The following PRKDC variants were observed in gnomAD, a reference collection of about 807,000 sequenced individuals.
The protein encoded by PRKDC is protein kinase, DNA-activated, catalytic subunit.
Under a neutral mutation model 486.9 loss-of-function variants are expected in PRKDC, and 82 were observed. The ratio of observed to expected loss-of-function variants is 0.17; its 90% CI spans 0.14 to 0.20. PRKDC has a LOEUF of 0.20. Ranked by LOEUF, PRKDC falls within the 10% of genes least tolerant of loss-of-function variation. PRKDC has a pLI of 1.00. For synonymous variants in PRKDC, 1,895 were observed against 1,837.0 expected (o/e 1.03, Z -0.81); for missense variants, 4,504 against 5,038.2 (o/e 0.89, Z 3.21).
intron 25 of PRKDC, among the ~76,000 whole-genome samples, chr8:47,910,359 G>A (rs914841673): frequency 2.0e-5 from 3 of 152,074 alleles, no homozygotes; most frequent in Non-Finnish European, 4.4e-5. Flanking sequence ...ACATCTTAAC[G>A]AATGTCATGA....
At chr8:47,859,852 A>C in intron 45 of PRKDC, 93 bp from the exon 46 acceptor site, 1 of 1,282,828 alleles carries the variant, frequency 7.8e-7, no homozygotes. Flanking sequence ...AAATTAAAGC[A>C]CATTTTAATC....
In PRKDC at chr8:47,798,296, T is replaced by C; in HGVS notation, c.10399A>G (p.Arg3467Gly). Residue 3467 changes from arginine (R) to glycine (G), a missense_variant, in exon 73 of 86, where the codon AGA becomes GGA. Around this residue, in one of 6 missense-constraint regions of PRKDC, gnomAD observed 706 missense variants for 945.0 expected, o/e 0.75. Coordinates refer to ENST00000314191, the MANE Select transcript of PRKDC (RefSeq NM_006904.7). ...NSNEARLKFP[R>G]LLQIIERYPE... Reference sequence around the variant, plus strand: ...TACCGTTCTATAATCTGAAGTAATCTAGGAAACTTCAATCTGGCTTCATTG... The same window carrying C: ...TACCGTTCTATAATCTGAAGTAATCCAGGAAACTTCAATCTGGCTTCATTG... 1 of 1,613,846 alleles carries C rather than the reference T, an allele frequency of 6.2e-7. No homozygotes were observed. The highest frequency in any genetic ancestry group is 8.5e-7 in the Non-Finnish European group (1 of 1,179,844).
chr8:47,915,235 G>A, intron 23 of PRKDC, 93 bp downstream of exon 23: 1 of 677,956 alleles, frequency 1.5e-6, no homozygotes, highest in Non-Finnish European at 2.4e-6. Flanking sequence ...ATCACATATA[G>A]GAGCAAATAT....
At chr8:47,959,147 A>G (rs1352564697) in intron 1 of PRKDC, 1 of 152,132 alleles carries the variant, frequency 6.6e-6, no homozygotes. Context: ...AGGTCTGCAT[A>G]CTCGTGTTTT....
At chr8:47,896,306 A>T (rs968630056) in intron 30 of PRKDC, among the ~76,000 whole-genome samples, 1 of 152,086 alleles carries the variant, frequency 6.6e-6, no homozygotes, top group Non-Finnish European at 1.5e-5. Flanking sequence ...CTGGAAATAT[A>T]TAAAGTAACT....
rs922182896 is a variant in PRKDC at position 47,782,802 on chromosome 8, T to C, written c.11176-204A>G. On this transcript the variant is annotated intron_variant, in intron 78 of 85. Transcript: ENST00000314191. The surrounding 1 kb of genome is among the most constrained non-coding windows in gnomAD (Gnocchi z 4.9). Reference sequence around the variant, plus strand: ...CCCGCAGAAATGTTGTATTCCTGATTATAAATACTTGCTTATGAATGTGGA... The same window carrying C: ...CCCGCAGAAATGTTGTATTCCTGATCATAAATACTTGCTTATGAATGTGGA... The C allele has an allele frequency of 1.7e-6, 1 of 594,908 alleles. No individual in the cohort carries two copies. The highest frequency in any genetic ancestry group is 1.9e-5 in the African/African-American group (1 of 53,816). 36.9% of individuals were successfully genotyped at this position (594,908 alleles called of 1,614,324 possible). A position where few individuals can be genotyped will look rare whatever the true frequency, so the allele number is the denominator to read the frequency against.
chr8:47,784,016 T>C, intron 77 of PRKDC: 1 of 536,432 alleles, frequency 1.9e-6, no homozygotes, highest in South Asian at 2.1e-5. Context: ...CCCAGCACTT[T>C]GGGAGGCCAA....
At chr8:47,807,432 T>C in intron 68 of PRKDC, 106 bp from the exon 69 acceptor site, 1 of 1,035,760 alleles carries the variant, frequency 9.7e-7, no homozygotes. Context: ...TGTTCTTTTT[T>C]TTTTGAGATG....
chr8:47,948,747 C>A (rs1385021222), intron 7 of PRKDC, among the ~76,000 whole-genome samples: 5 of 151,894 alleles, frequency 3.3e-5, no homozygotes. Context: ...CAGGCGTGAG[C>A]CACCGCGCCC....
chr8:47,791,336 A>G (rs1023523671), intron 74 of PRKDC, among the ~76,000 whole-genome samples: 5 of 152,104 alleles, frequency 3.3e-5, no homozygotes, highest in East Asian at 1.9e-4. Context: ...TTAGCGGGGC[A>G]TGGTGGCGCC....
At chr8:47,776,508 A>T (rs557345792) in intron 85 of PRKDC, among the ~76,000 whole-genome samples, 1 of 152,338 alleles carries the variant, frequency 6.6e-6, no homozygotes, top group Non-Finnish European at 1.5e-5. Flanking sequence ...CCTAAAAAGG[A>T]CAAAAGCAAA....
chr8:47,911,668 GAGA>G (rs1289182986), intron 25 of PRKDC, among the ~76,000 whole-genome samples: 1 of 152,126 alleles, frequency 6.6e-6, no homozygotes, highest in Non-Finnish European at 1.5e-5. Context: ...AAAATGAACT[GAGA>G]AGATTTCTTA....
chr8:47,819,294 C>A, intron 67 of PRKDC, 108 bp downstream of exon 67: 2 of 650,140 alleles, frequency 3.1e-6, no homozygotes, highest in Non-Finnish European at 2.6e-6. Context: ...ATGGAGTTTC[C>A]AACCCATACA....
chr8:47,848,767 A>C (rs1397463274), intron 54 of PRKDC, among the ~76,000 whole-genome samples: 1 of 152,208 alleles, frequency 6.6e-6, no homozygotes, highest in African/African-American at 2.4e-5. Context: ...ATATACTTTT[A>C]TGTTATGTTG....
At position 47,826,794 on chromosome 8, in the gene PRKDC, G is replaced by A. The variant is rs1440627101; in HGVS notation, c.8645C>T (p.Ala2882Val). The change falls in exon 63 of 86, where the codon GCC becomes GTC. Residue 2882 changes from alanine to valine, a missense_variant. Ala to Val is a moderately conservative substitution (Grantham distance 64). Coordinates refer to ENST00000314191, the MANE Select transcript of PRKDC (RefSeq NM_006904.7). Reference protein sequence around the residue: ...DPAAVSAGCLASLQQPVGIRL... With the variant: ...DPAAVSAGCLVSLQQPVGIRL... Reference sequence around the variant, plus strand: ...GATGCCCACGGGCTGCTGTAGGCTGGCCAGGCAACCAGCGCTAACAGCCGC... The same window carrying A: ...GATGCCCACGGGCTGCTGTAGGCTGACCAGGCAACCAGCGCTAACAGCCGC... The A allele has an allele frequency of 6.2e-7, 1 of 1,609,250 alleles. No individual in the cohort carries two copies. The highest frequency in any genetic ancestry group is 1.1e-5 in the South Asian group (1 of 90,214).
intron 21 of PRKDC, among the ~76,000 whole-genome samples, chr8:47,923,206 G>C (rs558442616): frequency 6.6e-6 from 1 of 152,162 alleles, no homozygotes; most frequent in Admixed American, 6.5e-5. Context: ...TGGGATTACA[G>C]GTGTGCGCCA....
chr8:47,848,322 G>C (rs1483459474), intron 54 of PRKDC, among the ~76,000 whole-genome samples: 1 of 152,166 alleles, frequency 6.6e-6, no homozygotes, highest in Non-Finnish European at 1.5e-5. Flanking sequence ...AGAATGAAAT[G>C]TCCTTTGCAG....
At chr8:47,898,438 GAA>G (rs869126043) in intron 29 of PRKDC, 30 bp downstream of exon 29, 4 of 1,498,600 alleles carry the variant, frequency 2.7e-6, no homozygotes, top group Non-Finnish European at 3.6e-6. Flanking sequence ...TATGTTGTGG[GAA>G]AAGACGGAAA....
chr8:47,959,653 T>G (rs1268660053), intron 1 of PRKDC, among the ~76,000 whole-genome samples: 1 of 150,926 alleles, frequency 6.6e-6, no homozygotes, highest in Non-Finnish European at 1.5e-5. Context: ...CACTCCAGCC[T>G]GGGCGACAGA....
Sources: gnomAD v4.1 joint callset for allele counts (sites outside exome capture counted in the v4.1 genomes callset) on GRCh38, gnomAD v4.1.1 for gene constraint, gnomAD v4.1.1 regional missense constraint, Gnocchi (gnomAD v3.1) non-coding constraint, MANE v1.5 for transcripts, NCBI Gene and HGNC (gene_info 2026-07-23, HGNC 2026-07-21) for gene names.